SH2D4B: variants seen among roughly 807,000 people sequenced by gnomAD.
The protein encoded by SH2D4B is SH2 domain containing 4B.
A neutral mutation model predicts 61.5 loss-of-function variants in SH2D4B; 45 were observed. The observed-to-expected ratio is 0.73, with a 90% CI of 0.58 to 0.94. The LOEUF (loss-of-function observed/expected upper bound fraction) is 0.94. SH2D4B is among the 40% of genes least tolerant of loss of function. The probability of loss-of-function intolerance (pLI) is 0.00; values close to 1 mark genes in which losing one functional copy is unlikely to be tolerated. For synonymous variants in SH2D4B, 224 were observed against 220.4 expected (o/e 1.02, Z -0.14); for missense variants, 572 against 574.2 (o/e 1.00, Z 0.04).
intron 1 of SH2D4B, among the ~76,000 whole-genome samples, chr10:80,545,496 C>A (rs926764519): frequency 1.3e-5 from 2 of 151,682 alleles, no homozygotes; most frequent in African/African-American, 4.8e-5. Flanking sequence ...TCTCCCTTTT[C>A]TTCTTCTTCT....
chr10:80,627,515 A>G (rs967586353), intron 6 of SH2D4B, among the ~76,000 whole-genome samples: 4 of 151,842 alleles, frequency 2.6e-5, no homozygotes, highest in African/African-American at 7.3e-5. Flanking sequence ...CTCAGTCTAA[A>G]CATCACTTCC....
chr10:80,572,024 G>T (rs573267804), intron 3 of SH2D4B, among the ~76,000 whole-genome samples: 248 of 151,932 alleles, frequency 1.6e-3, no homozygotes, highest in Middle Eastern at 3.4e-3. Flanking sequence ...CGCCCGCCTC[G>T]GCCTTCCAAA....
At position 80,551,690 on chromosome 10, in the gene SH2D4B, G is replaced by C. The variant is rs542897141; in HGVS notation, c.184+13175G>C. ...GTCTAAGAGTAGCCATGTTAATGAG[G>C]ACCCAGGGAAAGAGATTCTCTCCCA... On this transcript the variant is annotated intron_variant, in intron 1 of 7. Coordinates refer to ENST00000646907, the MANE Select transcript of SH2D4B (RefSeq NM_001388272.1). Among the ~76,000 whole-genome samples the C allele has an allele frequency of 5.9e-5, 9 of 152,284 alleles. No individual in the cohort carries two copies. The South Asian group carries it at 1.9e-3, about 32-fold the overall frequency.
chr10:80,594,819 C>T (rs1842368610), intron 4 of SH2D4B, among the ~76,000 whole-genome samples: 7 of 152,164 alleles, frequency 4.6e-5, no homozygotes. Context: ...TTCACCTTTT[C>T]CACTGATACC....
intron 1 of SH2D4B, among the ~76,000 whole-genome samples, chr10:80,544,239 C>G (rs1212218883): frequency 1.3e-5 from 2 of 152,166 alleles, no homozygotes; most frequent in Non-Finnish European, 2.9e-5. Flanking sequence ...TCCAGAGGCG[C>G]CGCCTTAAGA....
chr10:80,538,228 C>T lies in SH2D4B; in HGVS notation c.-104C>T, dbSNP rs1484701618. On this transcript the variant is annotated 5_prime_UTR_variant, in exon 1 of 8. Coordinates refer to ENST00000646907, the MANE Select transcript of SH2D4B (RefSeq NM_001388272.1). The surrounding 1 kb of genome is among the most constrained non-coding windows in gnomAD (Gnocchi z 4.8). ...ACAGAGAAGGGGCACCGAGAGTGGC[C>T]CCGGATTGAGCAGTCCGTAGTGCAG... 4.0e-6 allele frequency: 4 copies of T among 1,000,422 alleles called. No individual in the cohort carries two copies. The highest frequency in any genetic ancestry group is 3.6e-4 in the Middle Eastern group (1 of 2,772). The allele number at this position is 1,000,422 out of a possible 1,614,324, so 62.0% of individuals were successfully genotyped here.
chr10:80,586,409 A>G (rs1237842768), intron 3 of SH2D4B, among the ~76,000 whole-genome samples: 1 of 83,154 alleles, frequency 1.2e-5, no homozygotes, highest in African/African-American at 7.3e-5. Context: ...GGCACTCTGT[A>G]TCTAGCTCAA....
Position 80,570,225 on chromosome 10 carries a change from G to A in SH2D4B, c.256G>A (p.Gly86Ser), listed in dbSNP as rs746251978. The A allele has an allele frequency of 1.8e-5, 29 of 1,614,038 alleles. No homozygotes were observed. Among genetic ancestry groups the A allele is most frequent in the Non-Finnish European group, 2.4e-5 (28 of 1,180,028 alleles). ...GEVWVWIMGE[G>S]PGDKPYEEIS... ...GGTCTGGGTCTGGATCATGGGAGAA[G>A]GCCCTGGTGACAAGCCCTACGAAGA... Residue 86 changes from glycine to serine, a missense_variant, in exon 2 of 8, where the codon GGC becomes AGC. Transcript: ENST00000646907.
chr10:80,630,154 T>C (rs1842813557), intron 6 of SH2D4B, among the ~76,000 whole-genome samples: 1 of 152,122 alleles, frequency 6.6e-6, no homozygotes, highest in Non-Finnish European at 1.5e-5. Context: ...GGAGTACAGC[T>C]CAGAGAAAAA....
chr10:80,642,476 C>T (rs1279460218), intron 7 of SH2D4B, among the ~76,000 whole-genome samples: 1 of 152,206 alleles, frequency 6.6e-6, no homozygotes, highest in Non-Finnish European at 1.5e-5. Context: ...CTTCAGGTCA[C>T]TGTAAGGTTT....
intron 7 of SH2D4B, among the ~76,000 whole-genome samples, chr10:80,639,774 T>C (rs1840256915): frequency 6.6e-6 from 1 of 152,240 alleles, no homozygotes; most frequent in African/African-American, 2.4e-5. Context: ...ATTTAGTCCA[T>C]TTACATTTAA....
intron 5 of SH2D4B, 101 bp from the exon 6 acceptor site, chr10:80,609,323 A>G (rs1242967866): frequency 9.0e-6 from 7 of 778,140 alleles, no homozygotes; most frequent in Admixed American, 5.0e-5. Context: ...TCCTCCTTTT[A>G]CCTTCCTCTC....
At position 80,629,037 on chromosome 10, in the gene SH2D4B, A is replaced by AT. The variant is rs1842799119; in HGVS notation, c.989-5248_989-5247insT. Among the ~76,000 whole-genome samples, 5 of 126,650 alleles carry AT rather than the reference A, an allele frequency of 3.9e-5. No homozygotes were observed. The South Asian group carries it at 1.1e-3, about 27-fold the overall frequency. The allele number at this position is 126,650 out of a possible 152,430, so 83.1% of individuals were successfully genotyped here. ...AGAGCGAGACTCTATCTCAAAAAAA[A>AT]AAAAGAAAAAGAAAAAGAAATACCC... On this transcript the variant is annotated intron_variant, in intron 6 of 7. Transcript: ENST00000646907.
intron 7 of SH2D4B, 148 bp downstream of exon 7, chr10:80,634,653 G>C: frequency 7.9e-7 from 1 of 1,273,306 alleles, no homozygotes; most frequent in Non-Finnish European, 1.1e-6. Flanking sequence ...GGGCAGAAGA[G>C]ACCAGAGGTT....
At chr10:80,607,170 A>G (rs1842529405) in intron 5 of SH2D4B, 1 of 152,244 alleles carries the variant, frequency 6.6e-6, no homozygotes, top group Non-Finnish European at 1.5e-5. Flanking sequence ...GCTTAGAAAC[A>G]GAGGGACAAG....
chr10:80,617,318 G>A (rs1471657671), intron 6 of SH2D4B, among the ~76,000 whole-genome samples: 1 of 152,192 alleles, frequency 6.6e-6, no homozygotes, highest in African/African-American at 2.4e-5. Flanking sequence ...CCAGGAAAGT[G>A]TCTGCTCCTC....
chr10:80,543,626 T>C (rs1841618255), intron 1 of SH2D4B, among the ~76,000 whole-genome samples: 1 of 152,180 alleles, frequency 6.6e-6, no homozygotes, highest in Non-Finnish European at 1.5e-5. Context: ...GGCAGGCAGC[T>C]CCACCTGCAG....
At chr10:80,577,583 C>G (rs1463918127) in intron 3 of SH2D4B, among the ~76,000 whole-genome samples, 2 of 152,014 alleles carry the variant, frequency 1.3e-5, no homozygotes, top group East Asian at 1.9e-4. Context: ...CCTGCCACCA[C>G]GCCCGGCTAA....
intron 1 of SH2D4B, among the ~76,000 whole-genome samples, chr10:80,559,897 C>A (rs776333764): frequency 3.3e-5 from 5 of 151,854 alleles, no homozygotes; most frequent in Admixed American, 6.6e-5. Flanking sequence ...TTTGCCCCCC[C>A]AGAGTGGTTC....
Sources: allele counts gnomAD v4.1 joint callset (sites outside exome capture counted in the v4.1 genomes callset), GRCh38; gene constraint gnomAD v4.1.1; non-coding constraint Gnocchi (gnomAD v3.1); transcripts MANE v1.5; gene names NCBI Gene and HGNC (gene_info 2026-07-23, HGNC 2026-07-21).